DHPS: variants seen among roughly 807,000 people sequenced by gnomAD.
DHPS encodes deoxyhypusine synthase.
In DHPS, 24 loss-of-function variants were observed where a neutral mutation model predicts 38.7. The observed-to-expected ratio is 0.62, with a 90% CI of 0.45 to 0.87. The LOEUF is 0.87. Among genes scored for constraint, DHPS ranks in the 40% least tolerant of loss-of-function variants. DHPS has a pLI of 0.00. For missense variants in DHPS, 510 were observed against 497.6 expected, an observed-to-expected ratio of 1.02 and a Z score of -0.24; for synonymous variants, 250 against 204.4, an observed-to-expected ratio of 1.22 and a Z score of -1.90.
chr19:12,676,075 G>A lies in DHPS; in HGVS notation c.956C>T (p.Ala319Val). 1 of 1,614,008 alleles carries A rather than the reference G, an allele frequency of 6.2e-7. No homozygotes were observed. The highest frequency in any genetic ancestry group is 1.3e-5 in the African/African-American group (1 of 75,030). Residue 319 changes from alanine to valine, a missense_variant, in exon 8 of 9, where the codon GCC becomes GTC. Ala to Val is a moderately conservative substitution (Grantham distance 64). Coordinates refer to ENST00000210060, the MANE Select transcript of DHPS (RefSeq NM_001930.4). ...AQEFDGSDSG[A>V]RPDEAVSWGK... is the part of the protein sequence containing the mutation. ...CCAGGAGACAGCCTCGTCTGGTCGG[G>A]CACCTGAGTCAGAGCCATCAAACTC...
intron 5 of DHPS, 122 bp downstream of exon 5, chr19:12,679,335 G>C (rs765265058): frequency 1.6e-5 from 15 of 947,228 alleles, no homozygotes; most frequent in Non-Finnish European, 2.5e-5. Flanking sequence ...CTGTGTTTGA[G>C]TCTCCTCATC....
chr19:12,675,615 A>G (rs774703180), downstream of DHPS: 1 of 1,603,934 alleles, frequency 6.2e-7, no homozygotes, highest in Admixed American at 1.7e-5. Context: ...CCGCCATGGG[A>G]GGCAGCGTCC....
downstream of DHPS, chr19:12,672,963 C>G (rs745801877): frequency 4.4e-6 from 7 of 1,596,276 alleles, no homozygotes; most frequent in East Asian, 1.1e-4. Flanking sequence ...GGGGGGCCAA[C>G]CAGGGGCACC....
At chr19:12,680,032 TACAAA>T (rs773124356) in intron 2 of DHPS, 110 bp from the exon 3 acceptor site, 3 of 1,556,290 alleles carry the variant, frequency 1.9e-6, no homozygotes, top group Non-Finnish European at 1.7e-6. Flanking sequence ...GGAGCTCTGC[TACAAA>T]ACAAAACTTG....
rs192260481 is a variant in DHPS at position 12,677,941 on chromosome 19, G to A, written c.679-545C>T. Among the ~76,000 whole-genome samples, 583 of 149,436 alleles carry A rather than the reference G, an allele frequency of 3.9e-3. 5 individuals are homozygous for A. Among genetic ancestry groups the A allele is most frequent in the African/African-American group, 0.013 (542 of 40,950 alleles). ...CAAGCATGAGCCACCGTGCCCGGCCGTCTAATTCTTTTTTAAAGAGCCAGC... is the reference window on the plus strand; with the variant it reads ...CAAGCATGAGCCACCGTGCCCGGCCATCTAATTCTTTTTTAAAGAGCCAGC... On this transcript the variant is annotated intron_variant, in intron 5 of 8. Transcript: ENST00000210060.
chr19:12,680,366 A>C, intron 1 of DHPS, 41 bp from the exon 2 acceptor site: 1 of 1,610,750 alleles, frequency 6.2e-7, no homozygotes, highest in Non-Finnish European at 8.5e-7. Flanking sequence ...CTGGCCTTAA[A>C]TCCCAGACTC....
downstream of DHPS, among the ~76,000 whole-genome samples, chr19:12,673,990 G>A (rs141493591): frequency 2.4e-4 from 37 of 152,292 alleles, no homozygotes; most frequent in African/African-American, 7.7e-4. Context: ...CTGAGACACC[G>A]TGCCCAGCTT....
chr19:12,674,881 C>T (rs1459321010), downstream of DHPS, among the ~76,000 whole-genome samples: 1 of 151,792 alleles, frequency 6.6e-6, no homozygotes, highest in Non-Finnish European at 1.5e-5. Context: ...TTTGGGAGGC[C>T]GAGGGGGGTG....
chr19:12,675,461 G>T, downstream of DHPS: 1 of 1,567,574 alleles, frequency 6.4e-7, no homozygotes, highest in Non-Finnish European at 8.6e-7. Flanking sequence ...GGTGCCCAGG[G>T]ACCTCAGAAA....
chr19:12,681,850 C>T lies in DHPS; in HGVS notation c.-84G>A, dbSNP rs1170716758. 1.0e-5 allele frequency: 13 copies of T among 1,238,710 alleles called. No homozygotes were observed. The highest frequency in any genetic ancestry group is 1.5e-5 in the African/African-American group (1 of 67,472). 76.7% of individuals were successfully genotyped at this position (1,238,710 alleles called of 1,614,324 possible). On this transcript the variant is annotated 5_prime_UTR_variant, in exon 1 of 9. Coordinates refer to ENST00000210060, the MANE Select transcript of DHPS (RefSeq NM_001930.4). The stretch of plus-strand genomic sequence containing the variant: ...GAAACGCGTTAAACCCCGACGCGCG[C>T]GTCTCCGCAAGAGCACAGGAAGTAG...
chr19:12,681,514 C>G lies in DHPS; in HGVS notation c.207+46G>C, dbSNP rs751728566. 3 of 1,607,692 alleles carry G rather than the reference C, an allele frequency of 1.9e-6. No homozygotes were observed. The East Asian group carries it at 6.7e-5, about 36-fold the overall frequency. ...CCCGTCTAGTACCGCGTTGGTTCTACAAGCCACGCCCCTCCGCGTCCCTAG... is the reference window on the plus strand; with the variant it reads ...CCCGTCTAGTACCGCGTTGGTTCTAGAAGCCACGCCCCTCCGCGTCCCTAG... On this transcript the variant is annotated intron_variant, in intron 1 of 8. Coordinates refer to ENST00000210060, the MANE Select transcript of DHPS (RefSeq NM_001930.4).
At chr19:12,672,788 G>A, downstream of DHPS, 2 of 1,528,066 alleles carry the variant, frequency 1.3e-6, no homozygotes, top group Non-Finnish European at 8.9e-7. Flanking sequence ...AAGGCACAGG[G>A]CTGCCTGGAG....
chr19:12,681,379 G>A, intron 1 of DHPS, 181 bp downstream of exon 1: 1 of 987,940 alleles, frequency 1.0e-6, no homozygotes, highest in Middle Eastern at 2.7e-4. Flanking sequence ...CTACCAGAGT[G>A]CAAAATCCCC....
chr19:12,675,860 A>G lies in DHPS; in HGVS notation c.1088T>C (p.Met363Thr), dbSNP rs1272380839. ...ETFAQKMDAF[M>T]HEKNED is the part of the protein sequence containing the mutation. Reference sequence around the variant, plus strand: ...CGCTCAGTCCTCGTTCTTCTCATGCATGAAGGCATCCATCTTCTGGGCAAA... The same window carrying G: ...CGCTCAGTCCTCGTTCTTCTCATGCGTGAAGGCATCCATCTTCTGGGCAAA... Residue 363 changes from methionine to threonine, a missense_variant, in exon 9 of 9, where the codon ATG (methionine) becomes ACG (threonine). Met to Thr is a moderately conservative substitution (Grantham distance 81). Transcript: ENST00000210060. 2.5e-6 allele frequency: 4 copies of G among 1,608,030 alleles called. No homozygotes were observed. Among genetic ancestry groups the G allele is most frequent in the Non-Finnish European group, 3.4e-6 (4 of 1,176,860 alleles).
intron 5 of DHPS, among the ~76,000 whole-genome samples, chr19:12,677,941 G>T (rs192260481): frequency 6.7e-6 from 1 of 149,308 alleles, no homozygotes; most frequent in Admixed American, 6.7e-5. Flanking sequence ...GTGCCCGGCC[G>T]TCTAATTCTT....
chr19:12,681,399 C>G lies in DHPS; in HGVS notation c.207+161G>C. 2.8e-6 allele frequency: 3 copies of G among 1,053,534 alleles called. No individual in the cohort carries two copies. In the South Asian group the frequency reaches 4.9e-5, roughly 17 times the overall value. The allele number at this position is 1,053,534 out of a possible 1,614,324, so 65.3% of individuals were successfully genotyped here. A position where few individuals can be genotyped will look rare whatever the true frequency, so the allele number is the denominator to read the frequency against. The stretch of plus-strand genomic sequence containing the variant: ...AGAGTGCAAAATCCCCTTCCCAGGA[C>G]AGAAACTCCCGCCCAGAATAGGTCC... On this transcript the variant is annotated intron_variant, in intron 1 of 8. Coordinates refer to ENST00000210060, the MANE Select transcript of DHPS (RefSeq NM_001930.4).
chr19:12,680,272 C>G lies in DHPS; in HGVS notation c.261G>C (p.Leu87=). Residue 87 remains leucine (L), a synonymous_variant, in exon 2 of 9, where the codon CTG becomes CTC. Coordinates refer to ENST00000210060, the MANE Select transcript of DHPS (RefSeq NM_001930.4). ...LSQDEDQHAD[L]TQSRRPLTSC... Reference sequence around the variant, plus strand: ...TGGTAAGTGGGCGGCGGCTCTGGGTCAGGTCCGCGTGCTGGTCTTCATCCT... The same window carrying G: ...TGGTAAGTGGGCGGCGGCTCTGGGTGAGGTCCGCGTGCTGGTCTTCATCCT... The G allele has an allele frequency of 6.2e-7, 1 of 1,614,132 alleles. No individual in the cohort carries two copies. The highest frequency in any genetic ancestry group is 8.5e-7 in the Non-Finnish European group (1 of 1,180,028).
chr19:12,676,125 G>T lies in DHPS; in HGVS notation c.906C>A (p.Tyr302Ter). The change falls in exon 8 of 9, where the codon TAC becomes TAA. Residue 302 changes from tyrosine (Y) to a stop codon, truncating the protein, a stop_gained. Transcript: ENST00000210060. LOFTEE classifies it high-confidence loss of function. ...NANLMRNGAD[Y>*]AVYINTAQEF... ...CCTGGGCTGTGTTGATGTAAACAGC[G>T]TAGTCGGCCCCGTTCCGCTGTGGGG... 2 of 1,612,518 alleles carry T rather than the reference G, an allele frequency of 1.2e-6. No homozygotes were observed. Among genetic ancestry groups the T allele is most frequent in the Non-Finnish European group, 1.7e-6 (2 of 1,179,574 alleles).
chr19:12,676,774 A>G (rs1398952500), intron 7 of DHPS: 2 of 375,990 alleles, frequency 5.3e-6, no homozygotes, highest in Non-Finnish European at 1.0e-5. Context: ...ATGCTAGTAC[A>G]GCAGCACAAA....
Sources: allele counts gnomAD v4.1 joint callset (sites outside exome capture counted in the v4.1 genomes callset), GRCh38; gene constraint gnomAD v4.1.1; transcripts MANE v1.5; gene names NCBI Gene and HGNC (gene_info 2026-07-23, HGNC 2026-07-21).